The following SPIDR variants were observed in gnomAD, a reference collection of about 807,000 sequenced individuals.
SPIDR encodes the protein DNA repair-scaffolding protein.
SPIDR carries 93 observed loss-of-function variants against 104.6 expected under a neutral mutation model. That is an observed-to-expected ratio of 0.89 (90% CI 0.75 to 1.06). The LOEUF is 1.06. SPIDR is among the 50% of genes least tolerant of loss of function. SPIDR has a pLI of 0.00. For synonymous variants in SPIDR, 431 were observed against 416.9 expected, an observed-to-expected ratio of 1.03 and a Z score of -0.41; for missense variants, 1,154 against 1,111.2, an observed-to-expected ratio of 1.04 and a Z score of -0.55.
chr8:47,331,632 A>G (rs2048681814), intron 5 of SPIDR, among the ~76,000 whole-genome samples: 1 of 152,194 alleles, frequency 6.6e-6, no homozygotes, highest in Non-Finnish European at 1.5e-5. Flanking sequence ...CTAGGACATT[A>G]CCATACACTA....
chr8:47,377,748 A>C (rs1563785946), intron 5 of SPIDR, among the ~76,000 whole-genome samples: 1 of 152,214 alleles, frequency 6.6e-6, no homozygotes, highest in Non-Finnish European at 1.5e-5. Flanking sequence ...TTCTATCAGA[A>C]TATTCCAAGA....
chr8:47,452,642 G>C lies in SPIDR; in HGVS notation c.1097+12100G>C, dbSNP rs552765721. Among the ~76,000 whole-genome samples, 5 of 152,236 alleles carry C rather than the reference G, an allele frequency of 3.3e-5. No homozygotes were observed. In the South Asian group the frequency reaches 6.2e-4, roughly 19 times the overall value. On this transcript the variant is annotated intron_variant, in intron 8 of 19. Transcript: ENST00000297423. ...CATTATCTCAATAGATGCAGAAAAGGCCTTTGACAAAATTCAACAACCTTC... is the reference window on the plus strand; with the variant it reads ...CATTATCTCAATAGATGCAGAAAAGCCCTTTGACAAAATTCAACAACCTTC...
chr8:47,385,159 A>G (rs1198628460), intron 5 of SPIDR, among the ~76,000 whole-genome samples: 3 of 152,240 alleles, frequency 2.0e-5, no homozygotes, highest in Admixed American at 1.3e-4. Flanking sequence ...AGCTCCCAGA[A>G]TTAATCATTG....
At chr8:47,292,076 T>C (rs1453672881) in intron 4 of SPIDR, among the ~76,000 whole-genome samples, 1 of 152,136 alleles carries the variant, frequency 6.6e-6, no homozygotes. Flanking sequence ...AAGGGTCCCA[T>C]GAAGGACAAA....
intron 8 of SPIDR, among the ~76,000 whole-genome samples, chr8:47,503,583 T>C (rs1418844863): frequency 6.6e-6 from 1 of 152,144 alleles, no homozygotes; most frequent in Non-Finnish European, 1.5e-5. Flanking sequence ...GTCTCGACTC[T>C]ATCCAATTTG....
rs11435263 is a variant in SPIDR, at chr8:47,280,394, A to ATT, written c.189+391_189+392dup. ...AGGTATGTGCCGCCGTGCCTGGCTA[A>ATT]TTTTTTTTTTTTTTTGGAGACGGAG... On this transcript the variant is annotated intron_variant, in intron 2 of 19. Transcript: ENST00000297423. Among the ~76,000 whole-genome samples the ATT allele has an allele frequency of 3.8e-3, 532 of 138,720 alleles. 10 individuals carry two copies. The highest frequency in any genetic ancestry group is 0.012 in the African/African-American group (463 of 37,568). 91.0% of individuals were successfully genotyped at this position (138,720 alleles called of 152,430 possible). A position where few individuals can be genotyped will look rare whatever the true frequency, so the allele number is the denominator to read the frequency against.
chr8:47,358,274 G>A (rs2054982412), intron 5 of SPIDR, among the ~76,000 whole-genome samples: 2 of 151,980 alleles, frequency 1.3e-5, no homozygotes, highest in African/African-American at 4.8e-5. Context: ...GTTTTATAGA[G>A]ATAGAGTTTC....
chr8:47,690,827 A>G (rs1369263204), intron 11 of SPIDR, among the ~76,000 whole-genome samples: 3 of 152,170 alleles, frequency 2.0e-5, no homozygotes, highest in African/African-American at 7.2e-5. Flanking sequence ...TCAAAAAATA[A>G]ATAAAACTAG....
chr8:47,557,248 A>G (rs116998514), intron 8 of SPIDR, among the ~76,000 whole-genome samples: 4,032 of 152,318 alleles, frequency 0.026, 287 homozygotes, highest in Admixed American at 0.15. Context: ...GAGAAGGAGA[A>G]GATGGAAAAA....
chr8:47,688,267 C>T (rs1008762283), intron 11 of SPIDR, among the ~76,000 whole-genome samples: 9 of 152,024 alleles, frequency 5.9e-5, no homozygotes, highest in Non-Finnish European at 1.0e-4. Flanking sequence ...GGACTACAGG[C>T]GCCCGCCACC....
chr8:47,505,028 G>A (rs1391834674), intron 8 of SPIDR, among the ~76,000 whole-genome samples: 1 of 152,194 alleles, frequency 6.6e-6, no homozygotes, highest in Admixed American at 6.5e-5. Flanking sequence ...CGTGTGAGGT[G>A]TCAGTCTGCC....
intron 8 of SPIDR, among the ~76,000 whole-genome samples, chr8:47,455,598 A>G (rs1437887476): frequency 6.6e-6 from 1 of 152,122 alleles, no homozygotes; most frequent in Admixed American, 6.6e-5. Flanking sequence ...ATAAAACAAA[A>G]CAAGAATCCA....
chr8:47,624,880 C>T (rs1337706710), intron 10 of SPIDR, among the ~76,000 whole-genome samples: 1 of 152,180 alleles, frequency 6.6e-6, no homozygotes, highest in African/African-American at 2.4e-5. Flanking sequence ...CTCCCTAACT[C>T]ATTTTATGAG....
At chr8:47,634,118 C>T (rs1215090515) in intron 10 of SPIDR, among the ~76,000 whole-genome samples, 1 of 149,276 alleles carries the variant, frequency 6.7e-6, no homozygotes, top group Non-Finnish European at 1.5e-5. Flanking sequence ...AAAGAATTAC[C>T]GTGACTCCTG....
chr8:47,300,776 C>G (rs1223877832), intron 5 of SPIDR, among the ~76,000 whole-genome samples: 1 of 152,198 alleles, frequency 6.6e-6, no homozygotes, highest in Non-Finnish European at 1.5e-5. Context: ...GTTTCTTAAT[C>G]CTGAGTTCTA....
chr8:47,498,928 G>A (rs767104890), intron 8 of SPIDR, among the ~76,000 whole-genome samples: 2 of 152,028 alleles, frequency 1.3e-5, no homozygotes, highest in Non-Finnish European at 2.9e-5. Flanking sequence ...AAACAGTGTC[G>A]CAATATGTAC....
intron 5 of SPIDR, chr8:47,360,974 A>C (rs1203201746): frequency 1.0e-6 from 1 of 984,938 alleles, no homozygotes; most frequent in African/African-American, 1.7e-5. Context: ...ATTATTTCAC[A>C]CTTTTAAAAA....
chr8:47,421,503 C>A (rs555589977), intron 7 of SPIDR, among the ~76,000 whole-genome samples: 2 of 152,138 alleles, frequency 1.3e-5, no homozygotes, highest in African/African-American at 4.8e-5. Context: ...TTCTAGTTAG[C>A]CATTCGTCTA....
chr8:47,387,235 A>C lies in SPIDR; in HGVS notation c.526-9141A>C, dbSNP rs919027234. On this transcript the variant is annotated intron_variant, in intron 5 of 19. Transcript: ENST00000297423. ...GGGAGCAGCGAGGAGGCAGACAGCT[A>C]TGAATGGAGGCCTGGTGGGAGCAGG... 4.6e-5 allele frequency among the ~76,000 whole-genome samples: 7 copies of C among 152,218 alleles called. 1 individual carries two copies. Among genetic ancestry groups the C allele is most frequent in the Non-Finnish European group, 7.3e-5 (5 of 68,036 alleles).
Sources: allele counts gnomAD v4.1 joint callset (sites outside exome capture counted in the v4.1 genomes callset), GRCh38; gene constraint gnomAD v4.1.1; transcripts MANE v1.5; gene names NCBI Gene and HGNC (gene_info 2026-07-23, HGNC 2026-07-21).